PRKD2: variants seen among roughly 807,000 people sequenced by gnomAD.
PRKD2 encodes protein kinase D2, also known as serine/threonine-protein kinase D2.
A neutral mutation model predicts 86.0 loss-of-function variants in PRKD2; 22 were observed. The ratio of observed to expected loss-of-function variants is 0.26; its 90% CI spans 0.18 to 0.37. The LOEUF is 0.37. PRKD2 is among the 10% of genes least tolerant of loss of function. The pLI, the probability that PRKD2 is intolerant of heterozygous loss-of-function variation, is 1.00. For synonymous variants in PRKD2, 509 were observed against 510.9 expected, an observed-to-expected ratio of 1.00 and a Z score of 0.05; for missense variants, 818 against 1,199.2, an observed-to-expected ratio of 0.68 and a Z score of 4.70.
At chr19:46,710,834 G>GC in intron 3 of PRKD2, 73 bp downstream of exon 3, 2 of 1,448,454 alleles carry the variant, frequency 1.4e-6, no homozygotes. Context: ...CTGTCCCCGT[G>GC]CCAGGACCAT....
chr19:46,675,955 A>G (rs1409684254), intron 16 of PRKD2, among the ~76,000 whole-genome samples: 3 of 150,812 alleles, frequency 2.0e-5, no homozygotes, highest in Admixed American at 6.6e-5. Context: ...TTTTTTGTAG[A>G]GATACATTGC....
intron 2 of PRKD2, 137 bp downstream of exon 2, chr19:46,713,726 C>T: frequency 2.4e-6 from 2 of 835,208 alleles, no homozygotes; most frequent in Admixed American, 6.0e-5. Flanking sequence ...CCAGCTCAGC[C>T]TCCCAAAGTG....
At chr19:46,681,093 A>C in intron 15 of PRKD2, among the ~76,000 whole-genome samples, 1 of 150,056 alleles carries the variant, frequency 6.7e-6, no homozygotes, top group Non-Finnish European at 1.5e-5. Context: ...AGCTGGGACT[A>C]CAGGCGCACA....
At position 46,697,147 on chromosome 19, in the gene PRKD2, G is replaced by A; in HGVS notation, c.1317+10C>T. ...GGAAGTCCGAGGGAGCTGAAAGCCC[G>A]GAGGCTTACCTTATAGTATCTGTTG... On this transcript the variant is annotated intron_variant, in intron 9 of 17. Transcript: ENST00000291281. 1 of 1,558,258 alleles carries A rather than the reference G, an allele frequency of 6.4e-7. No individual in the cohort carries two copies. Among genetic ancestry groups the A allele is most frequent in the South Asian group, 1.1e-5 (1 of 89,880 alleles).
chr19:46,703,948 A>AAACAAC lies in PRKD2; in HGVS notation c.889+215_889+220dup, dbSNP rs60490570. On this transcript the variant is annotated intron_variant, in intron 5 of 17. Coordinates refer to ENST00000291281, the MANE Select transcript of PRKD2 (RefSeq NM_016457.5). ...GATAGAGTGACACCCTGTCTCCAAA[A>AAACAAC]AACAACAACAACACACACACACACA... Among the ~76,000 whole-genome samples the AAACAAC allele has an allele frequency of 4.3e-4, 36 of 84,050 alleles. 1 individual carries two copies. The highest frequency in any genetic ancestry group is 2.4e-3 in the Admixed American group (18 of 7,656). The allele number at this position is 84,050 out of a possible 152,430, so 55.1% of individuals were successfully genotyped here. A position where few individuals can be genotyped will look rare whatever the true frequency, so the allele number is the denominator to read the frequency against.
Position 46,678,277 on chromosome 19 carries a change from G to A in PRKD2, c.2338+119C>T. 1 of 1,448,450 alleles carries A rather than the reference G, an allele frequency of 6.9e-7. No homozygotes were observed. The highest frequency in any genetic ancestry group is 1.4e-5 in the African/African-American group (1 of 71,592). 89.7% of individuals were successfully genotyped at this position (1,448,450 alleles called of 1,614,324 possible). ...CCTCCAGTAGGCCCGCCCCAGCACTGGGCTCCACCCCCAAGGTGCCAGGCT... is the reference window on the plus strand; with the variant it reads ...CCTCCAGTAGGCCCGCCCCAGCACTAGGCTCCACCCCCAAGGTGCCAGGCT... On this transcript the variant is annotated intron_variant, in intron 16 of 17. Coordinates refer to ENST00000291281, the MANE Select transcript of PRKD2 (RefSeq NM_016457.5). This position sits in a 1 kb window ranked among gnomAD's most constrained non-coding sequence, Gnocchi z 5.7.
Position 46,689,676 on chromosome 19 carries a change from A to C in PRKD2, c.1832T>G (p.Val611Gly), listed in dbSNP as rs2053455131. ...ILQSLRHPGI[V>G]NLECMFETPE... ...CGTCTCGAACATGCACTCCAGGTTC[A>C]CGATCCCGGGATGCCGCAGGCTCTG... is the stretch of plus-strand genomic sequence containing the variant. The change falls in exon 14 of 18, where the codon GTG becomes GGG. Residue 611 changes from valine to glycine, a missense_variant. Transcript: ENST00000291281. The C allele has an allele frequency of 6.2e-7, 1 of 1,614,022 alleles. No homozygotes were observed.
chr19:46,708,436 G>A (rs2053749807), intron 3 of PRKD2, among the ~76,000 whole-genome samples: 1 of 147,318 alleles, frequency 6.8e-6, no homozygotes, highest in African/African-American at 2.5e-5. Context: ...TCCCACCTCA[G>A]CCTCTTGAGT....
At chr19:46,704,465 A>C (rs1475028080) in intron 4 of PRKD2, 30 bp downstream of exon 4, 2 of 1,613,978 alleles carry the variant, frequency 1.2e-6, no homozygotes, top group African/African-American at 1.3e-5. Context: ...CCCCCTAGCC[A>C]CCAACCCGTC....
At position 46,697,788 on chromosome 19, in the gene PRKD2, G is replaced by C; in HGVS notation, c.1184C>G (p.Ser395Cys). Residue 395 changes from serine (S) to cysteine (C), a missense_variant, in exon 8 of 18, where the codon TCC becomes TGC. Ser to Cys is a moderately radical substitution (Grantham distance 112). Around this residue, in one of 5 missense-constraint regions of PRKD2, gnomAD observed 127 missense variants for 157.8 expected, o/e 0.80. Coordinates refer to ENST00000291281, the MANE Select transcript of PRKD2 (RefSeq NM_016457.5). ...CCAACCCTCCCGCAGCGTGGTGCTG[G>C]ATTTCCGCGTCGTGTGTCGCACCGA... ...VQSVRHTTRK[S>C]STTLREGWVV... 1 of 1,614,130 alleles carries C rather than the reference G, an allele frequency of 6.2e-7. No homozygotes were observed. The highest frequency in any genetic ancestry group is 8.5e-7 in the Non-Finnish European group (1 of 1,180,024).
intron 3 of PRKD2, 197 bp downstream of exon 3, chr19:46,710,702 ACCTGAGCC>A (rs1257396600): frequency 1.7e-6 from 1 of 602,992 alleles, no homozygotes; most frequent in Non-Finnish European, 2.8e-6. Flanking sequence ...CCGCCCCTAG[ACCTGAGCC>A]CCGGCCCAGC....
intron 13 of PRKD2, among the ~76,000 whole-genome samples, chr19:46,690,058 C>T (rs1338483760): frequency 6.6e-6 from 1 of 152,150 alleles, no homozygotes; most frequent in Non-Finnish European, 1.5e-5. Flanking sequence ...TCTTTACATC[C>T]TGAAATTCTG....
At chr19:46,698,803 T>C (rs1352711490) in intron 7 of PRKD2, among the ~76,000 whole-genome samples, 2 of 152,164 alleles carry the variant, frequency 1.3e-5, no homozygotes, top group Admixed American at 1.3e-4. Flanking sequence ...CAACAATCTC[T>C]GGATCCCTGT....
Position 46,674,478 on chromosome 19 carries a change from G to T in PRKD2, c.*45C>A. The stretch of plus-strand genomic sequence containing the variant: ...GAACAGTTCATTGCTGGGATCCTGT[G>T]AAGAACCGCTGTGGAGGGCAGCAGC... On this transcript the variant is annotated 3_prime_UTR_variant, in exon 18 of 18. Coordinates refer to ENST00000291281, the MANE Select transcript of PRKD2 (RefSeq NM_016457.5). The T allele has an allele frequency of 6.4e-7, 1 of 1,573,354 alleles. No homozygotes were observed. The highest frequency in any genetic ancestry group is 8.6e-7 in the Non-Finnish European group (1 of 1,157,122).
chr19:46,676,523 G>A (rs2053205999), intron 16 of PRKD2, among the ~76,000 whole-genome samples: 1 of 152,184 alleles, frequency 6.6e-6, no homozygotes, highest in Non-Finnish European at 1.5e-5. Context: ...TGAAAAAGAG[G>A]ACTAGCGAAT....
At chr19:46,701,694 G>T (rs2053637823) in intron 5 of PRKD2, among the ~76,000 whole-genome samples, 1 of 151,498 alleles carries the variant, frequency 6.6e-6, no homozygotes, top group Admixed American at 6.6e-5. Flanking sequence ...GTTCTAATGT[G>T]CTGTGACTCC....
chr19:46,696,810 T>C (rs1432180490), intron 9 of PRKD2, among the ~76,000 whole-genome samples: 1 of 152,120 alleles, frequency 6.6e-6, no homozygotes, highest in African/African-American at 2.4e-5. Context: ...TTAGAATTAC[T>C]GGGAGCTTAA....
chr19:46,685,331 T>C (rs567007225), intron 14 of PRKD2: 1 of 151,758 alleles, frequency 6.6e-6, no homozygotes, highest in South Asian at 2.1e-4. Flanking sequence ...AAATCTTGGC[T>C]GGAAAGCTAC....
At chr19:46,713,759 C>G in intron 2 of PRKD2, 104 bp downstream of exon 2, 1 of 1,141,410 alleles carries the variant, frequency 8.8e-7, no homozygotes, top group Non-Finnish European at 1.2e-6. Flanking sequence ...GCGTGAGCCA[C>G]TACACCCGGC....
Sources: allele counts gnomAD v4.1 joint callset (sites outside exome capture counted in the v4.1 genomes callset), GRCh38; gene constraint gnomAD v4.1.1; regional missense constraint gnomAD v4.1.1; non-coding constraint Gnocchi (gnomAD v3.1); transcripts MANE v1.5; gene names NCBI Gene and HGNC (gene_info 2026-07-23, HGNC 2026-07-21).